CNTNAP2: variants seen among roughly 807,000 people sequenced by gnomAD.
CNTNAP2 encodes the protein contactin associated protein 2.
Under a neutral mutation model 155.2 loss-of-function variants are expected in CNTNAP2, and 98 were observed. The ratio of observed to expected loss-of-function variants is 0.63; its 90% CI spans 0.54 to 0.75. CNTNAP2 has a LOEUF of 0.75. Ranked by LOEUF, CNTNAP2 falls within the 30% of genes least tolerant of loss-of-function variation. The pLI, the probability that CNTNAP2 is intolerant of heterozygous loss-of-function variation, is 0.00. For synonymous variants in CNTNAP2, 651 were observed against 631.2 expected, an observed-to-expected ratio of 1.03 and a Z score of -0.47; for missense variants, 1,727 against 1,688.1, an observed-to-expected ratio of 1.02 and a Z score of -0.40.
intron 21 of CNTNAP2, among the ~76,000 whole-genome samples, chr7:148,269,265 A>C (rs778079381): frequency 3.3e-5 from 5 of 152,238 alleles, no homozygotes; most frequent in African/African-American, 4.8e-5. Flanking sequence ...GTACGATATG[A>C]AAGATAATTA....
intron 17 of CNTNAP2, among the ~76,000 whole-genome samples, chr7:148,154,294 A>G (rs1209244161): frequency 6.6e-6 from 1 of 152,208 alleles, no homozygotes; most frequent in East Asian, 1.9e-4. Flanking sequence ...TTTGTCTATC[A>G]GGAGACTTTT....
At chr7:147,242,319 C>T (rs572486125) in intron 8 of CNTNAP2, among the ~76,000 whole-genome samples, 1 of 152,260 alleles carries the variant, frequency 6.6e-6, no homozygotes, top group South Asian at 2.1e-4. Context: ...AAAACATTTC[C>T]TTTGCCAAGT....
At chr7:148,341,250 C>T (rs1411516161) in intron 21 of CNTNAP2, among the ~76,000 whole-genome samples, 2 of 151,028 alleles carry the variant, frequency 1.3e-5, no homozygotes, top group East Asian at 1.9e-4. Flanking sequence ...AAGTTCACTG[C>T]ATTTAATCGA....
At chr7:146,895,454 A>C (rs940777505) in intron 3 of CNTNAP2, among the ~76,000 whole-genome samples, 3 of 152,132 alleles carry the variant, frequency 2.0e-5, no homozygotes, top group Non-Finnish European at 4.4e-5. Flanking sequence ...ATAATGGATT[A>C]GGATGTAATT....
intron 1 of CNTNAP2, among the ~76,000 whole-genome samples, chr7:146,324,699 T>C (rs1801066814): frequency 6.6e-6 from 1 of 152,130 alleles, no homozygotes; most frequent in South Asian, 2.1e-4. Flanking sequence ...TCATGAACTT[T>C]GAAAATGTTT....
At chr7:146,970,005 A>G (rs1563025669) in intron 3 of CNTNAP2, among the ~76,000 whole-genome samples, 1 of 152,232 alleles carries the variant, frequency 6.6e-6, no homozygotes, top group Non-Finnish European at 1.5e-5. Context: ...CTGGCTAGCC[A>G]TATGTAGAAA....
chr7:147,072,733 T>C (rs1799917737), intron 4 of CNTNAP2, among the ~76,000 whole-genome samples: 1 of 152,140 alleles, frequency 6.6e-6, no homozygotes, highest in Non-Finnish European at 1.5e-5. Flanking sequence ...CATGCAGGTA[T>C]GGACTGATGG....
chr7:147,630,316 T>TGA (rs1286214301), intron 12 of CNTNAP2, among the ~76,000 whole-genome samples: 1 of 73,078 alleles, frequency 1.4e-5, no homozygotes, highest in Admixed American at 1.4e-4. Flanking sequence ...GAAACAGTAG[T>TGA]AAAAAAAAAA....
At chr7:146,257,489 G>A (rs1203862690) in intron 1 of CNTNAP2, among the ~76,000 whole-genome samples, 3 of 152,194 alleles carry the variant, frequency 2.0e-5, no homozygotes, top group East Asian at 3.9e-4. Context: ...AAACTATCAC[G>A]TACTTCCAGA....
chr7:146,321,907 T>C (rs1801009669), intron 1 of CNTNAP2, among the ~76,000 whole-genome samples: 1 of 152,172 alleles, frequency 6.6e-6, no homozygotes. Context: ...ACAGCAATTT[T>C]ACATGAGATC....
At chr7:146,142,216 A>G (rs1797891360) in intron 1 of CNTNAP2, among the ~76,000 whole-genome samples, 4 of 152,236 alleles carry the variant, frequency 2.6e-5, no homozygotes, top group Admixed American at 2.6e-4. Context: ...TTGCCCTTCC[A>G]TATCCTGAAC....
At chr7:147,383,991 A>G (rs1278859969) in intron 9 of CNTNAP2, among the ~76,000 whole-genome samples, 1 of 152,216 alleles carries the variant, frequency 6.6e-6, no homozygotes, top group Non-Finnish European at 1.5e-5. Flanking sequence ...AAAAATTTAT[A>G]GAAAAATTTT....
At position 146,605,098 on chromosome 7, in the gene CNTNAP2, A is replaced by G. The variant is rs1054760494; in HGVS notation, c.98-169173A>G. ...ATAAAAAAAAACAACAAAAAAAAAA[A>G]GAAAAAAAAATACTGCAATATCTTC... On this transcript the variant is annotated intron_variant, in intron 1 of 23. Transcript: ENST00000361727. Among the ~76,000 whole-genome samples the G allele has an allele frequency of 7.5e-5, 11 of 147,532 alleles. 1 individual carries two copies. The highest frequency in any genetic ancestry group is 1.3e-4 in the Admixed American group (2 of 14,888).
chr7:147,853,406 T>C (rs1244395497), intron 13 of CNTNAP2, among the ~76,000 whole-genome samples: 4 of 152,186 alleles, frequency 2.6e-5, no homozygotes, highest in South Asian at 2.1e-4. Flanking sequence ...AAGTAATGTG[T>C]TTTAAATCTT....
intron 4 of CNTNAP2, chr7:147,097,547 A>C (rs897798290): frequency 6.6e-6 from 1 of 152,232 alleles, no homozygotes; most frequent in Admixed American, 6.5e-5. Flanking sequence ...CCTTTATCAA[A>C]CCATCAGACG....
chr7:146,875,280 A>G (rs61683084), intron 3 of CNTNAP2, among the ~76,000 whole-genome samples: 4,180 of 152,208 alleles, frequency 0.027, 196 homozygotes, highest in African/African-American at 0.094. Flanking sequence ...TAATTCTCCT[A>G]TATGGAGGGC....
chr7:146,948,530 G>A (rs1168079291), intron 3 of CNTNAP2, among the ~76,000 whole-genome samples: 1 of 151,916 alleles, frequency 6.6e-6, no homozygotes, highest in East Asian at 1.9e-4. Flanking sequence ...TTCATTTAGG[G>A]CCTAATCAGG....
intron 8 of CNTNAP2, among the ~76,000 whole-genome samples, chr7:147,269,466 T>G (rs1584832914): frequency 6.6e-6 from 1 of 151,686 alleles, no homozygotes; most frequent in South Asian, 2.1e-4. Flanking sequence ...GGAGAAGGAG[T>G]GACTTAGAAT....
chr7:147,771,997 T>A (rs1797476850), intron 13 of CNTNAP2, among the ~76,000 whole-genome samples: 1 of 152,150 alleles, frequency 6.6e-6, no homozygotes, highest in African/African-American at 2.4e-5. Context: ...AGATTCCCTT[T>A]TTCATAAAGA....
Sources: allele counts gnomAD v4.1 joint callset (sites outside exome capture counted in the v4.1 genomes callset), GRCh38; gene constraint gnomAD v4.1.1; transcripts MANE v1.5; gene names NCBI Gene and HGNC (gene_info 2026-07-23, HGNC 2026-07-21).